The following SRRM4 variants were observed in gnomAD, a reference collection of about 807,000 sequenced individuals.
SRRM4 encodes serine/arginine repetitive matrix 4.
SRRM4 carries 33 observed loss-of-function variants against 68.9 expected under a neutral mutation model. That is an observed-to-expected ratio of 0.48 (90% CI 0.36 to 0.64). The LOEUF (loss-of-function observed/expected upper bound fraction) is 0.64, where lower values mean the gene tolerates loss of function less well. Among genes scored for constraint, SRRM4 ranks in the 30% least tolerant of loss-of-function variants. The probability of loss-of-function intolerance (pLI) is 0.00; values close to 1 mark genes in which losing one functional copy is unlikely to be tolerated. For missense variants in SRRM4, 817 were observed against 827.1 expected (o/e 0.99, Z 0.15); for synonymous variants, 318 against 318.8 (o/e 1.00, Z 0.03).
chr12:119,012,856 A>G (rs567066566), intron 1 of SRRM4, among the ~76,000 whole-genome samples: 5 of 152,156 alleles, frequency 3.3e-5, no homozygotes, highest in Non-Finnish European at 7.3e-5. Context: ...GATATTTACT[A>G]CATCTTCATT....
At chr12:119,034,011 G>A (rs1008120257) in intron 1 of SRRM4, among the ~76,000 whole-genome samples, 4 of 152,192 alleles carry the variant, frequency 2.6e-5, no homozygotes, top group African/African-American at 9.7e-5. Flanking sequence ...CACAGATTGG[G>A]TTGTCTGGAC....
At chr12:119,058,295 CAT>C (rs1953789599) in intron 1 of SRRM4, among the ~76,000 whole-genome samples, 1 of 152,168 alleles carries the variant, frequency 6.6e-6, no homozygotes, top group South Asian at 2.1e-4. Context: ...AAAGGATTAA[CAT>C]GTGGTTAACA....
chr12:119,126,539 C>T (rs1297273592), intron 7 of SRRM4, among the ~76,000 whole-genome samples: 1 of 152,142 alleles, frequency 6.6e-6, no homozygotes, highest in East Asian at 1.9e-4. Flanking sequence ...AGAAGCTAAG[C>T]AAACTATGTA....
intron 1 of SRRM4, among the ~76,000 whole-genome samples, chr12:119,095,959 C>CAA (rs34062118): frequency 1.6e-4 from 17 of 105,970 alleles, no homozygotes; most frequent in African/African-American, 5.6e-4. Context: ...GCCTCAGTCT[C>CAA]AAAAAAAAAA....
intron 1 of SRRM4, among the ~76,000 whole-genome samples, chr12:119,017,352 G>T (rs1953488198): frequency 6.6e-6 from 1 of 152,222 alleles, no homozygotes; most frequent in Non-Finnish European, 1.5e-5. Context: ...TGCCTGGAAA[G>T]GCACATCAGC....
At chr12:119,054,174 A>T (rs1264419970) in intron 1 of SRRM4, among the ~76,000 whole-genome samples, 1 of 152,222 alleles carries the variant, frequency 6.6e-6, no homozygotes, top group Admixed American at 6.5e-5. Context: ...CACTTAACGT[A>T]ATGATCTCCA....
Position 119,157,731 on chromosome 12 carries a change from G to T in SRRM4, c.*933G>T, listed in dbSNP as rs1954483279. The T allele has an allele frequency of 6.6e-6, 1 of 152,430 alleles. No individual in the cohort carries two copies. Among genetic ancestry groups the T allele is most frequent in the African/African-American group, 2.4e-5 (1 of 41,588 alleles). 9.4% of individuals were successfully genotyped at this position (152,430 alleles called of 1,614,324 possible). ...ACATTCCCCAGTGCCATGGCCAGTT[G>T]CCAGGCCCCAGCGCCAGCCAGTCTG... On this transcript the variant is annotated 3_prime_UTR_variant, in exon 13 of 13. Transcript: ENST00000267260. The surrounding 1 kb of genome is among the most constrained non-coding windows in gnomAD (Gnocchi z 4.1).
chr12:119,151,130 G>C lies in SRRM4; in HGVS notation c.1190G>C (p.Ser397Thr). The change falls in exon 10 of 13, where the codon AGC (serine) becomes ACC (threonine). Residue 397 changes from serine to threonine, a missense_variant. Physicochemically the swap from Ser to Thr is moderately conservative, Grantham distance 58 (BLOSUM62 1). Transcript: ENST00000267260. ...KGCSRSSSYA[S>T]TRSSSHSSRS... is the part of the protein sequence containing the mutation. ...TGTTCCCGCAGCTCCTCCTATGCCA[G>C]CACCCGATCCTCCAGTCACTCGTCC... The C allele has an allele frequency of 6.2e-7, 1 of 1,613,954 alleles. No homozygotes were observed. Among genetic ancestry groups the C allele is most frequent in the South Asian group, 1.1e-5 (1 of 91,080 alleles).
intron 7 of SRRM4, among the ~76,000 whole-genome samples, chr12:119,130,008 G>GATGGATGA (rs1320332134): frequency 1.0e-4 from 13 of 129,372 alleles, no homozygotes; most frequent in African/African-American, 3.8e-4. Flanking sequence ...TGGATGGATG[G>GATGGATGA]ATGAATGCAT....
chr12:119,003,430 G>A (rs1374620402), intron 1 of SRRM4, among the ~76,000 whole-genome samples: 1 of 151,834 alleles, frequency 6.6e-6, no homozygotes, highest in Non-Finnish European at 1.5e-5. Context: ...ATCAGCAACT[G>A]CGTAGATTGC....
chr12:118,984,397 A>G (rs1019913041), intron 1 of SRRM4, among the ~76,000 whole-genome samples: 5 of 152,210 alleles, frequency 3.3e-5, no homozygotes, highest in Non-Finnish European at 5.9e-5. Flanking sequence ...ACTTGGTCTC[A>G]TCAGAAATGT....
chr12:118,990,459 T>C (rs1168517754), intron 1 of SRRM4, among the ~76,000 whole-genome samples: 5 of 152,232 alleles, frequency 3.3e-5, no homozygotes, highest in Admixed American at 6.5e-5. Flanking sequence ...CTTAATTCAG[T>C]GTGCCCATGA....
chr12:119,078,698 T>C (rs1398374205), intron 1 of SRRM4, among the ~76,000 whole-genome samples: 2 of 152,130 alleles, frequency 1.3e-5, no homozygotes, highest in Admixed American at 6.6e-5. Context: ...GGCAGGAGGA[T>C]TGCTTGAGCC....
chr12:119,109,462 A>G (rs1592901212), intron 2 of SRRM4, among the ~76,000 whole-genome samples: 1 of 152,304 alleles, frequency 6.6e-6, no homozygotes, highest in East Asian at 1.9e-4. Context: ...TACCAATCAG[A>G]CATAGATTTG....
intron 8 of SRRM4, among the ~76,000 whole-genome samples, chr12:119,138,314 G>A (rs541481955): frequency 3.3e-5 from 5 of 152,214 alleles, no homozygotes; most frequent in Admixed American, 1.3e-4. Context: ...AGCATAACTC[G>A]GCTCACCGGT....
At chr12:119,120,912 G>C (rs1290854468) in intron 5 of SRRM4, among the ~76,000 whole-genome samples, 2 of 152,194 alleles carry the variant, frequency 1.3e-5, no homozygotes, top group African/African-American at 4.8e-5. Flanking sequence ...AGGGTAAGGG[G>C]AGTGACGATG....
intron 2 of SRRM4, among the ~76,000 whole-genome samples, chr12:119,104,665 G>A (rs1478735225): frequency 2.0e-5 from 3 of 151,888 alleles, no homozygotes; most frequent in Non-Finnish European, 2.9e-5. Context: ...AGAGGTCTCT[G>A]AGCCCTGTTG....
At chr12:119,120,100 C>A in intron 4 of SRRM4, 150 bp from the exon 5 acceptor site, 6 of 574,546 alleles carry the variant, frequency 1.0e-5, no homozygotes, top group East Asian at 3.0e-5. Context: ...TACGTTTTCC[C>A]CTCCCTCCCT....
chr12:119,070,886 A>G (rs1345940176), intron 1 of SRRM4, among the ~76,000 whole-genome samples: 1 of 152,142 alleles, frequency 6.6e-6, no homozygotes, highest in African/African-American at 2.4e-5. Flanking sequence ...CACTGGCCTG[A>G]TTTCAGAAAT....
Sources: gnomAD v4.1 joint callset for allele counts (sites outside exome capture counted in the v4.1 genomes callset) on GRCh38, gnomAD v4.1.1 for gene constraint, Gnocchi (gnomAD v3.1) non-coding constraint, MANE v1.5 for transcripts, NCBI Gene and HGNC (gene_info 2026-07-23, HGNC 2026-07-21) for gene names.